UTRN: variants seen among roughly 807,000 people sequenced by gnomAD.
UTRN encodes the protein dystrophin-related protein 1.
In UTRN, 283 loss-of-function variants were observed where a neutral mutation model predicts 463.9. The ratio of observed to expected loss-of-function variants is 0.61; its 90% CI spans 0.55 to 0.67. UTRN has a LOEUF of 0.67. Ranked by LOEUF, UTRN falls within the 30% of genes least tolerant of loss-of-function variation. The pLI is 0.00. For synonymous variants in UTRN, 1,442 were observed against 1,431.5 expected, an observed-to-expected ratio of 1.01 and a Z score of -0.17; for missense variants, 3,922 against 4,084.3, an observed-to-expected ratio of 0.96 and a Z score of 1.08.
At chr6:144,402,192 C>T (rs1782990630) in intron 2 of UTRN, among the ~76,000 whole-genome samples, 1 of 152,232 alleles carries the variant, frequency 6.6e-6, no homozygotes, top group Non-Finnish European at 1.5e-5. Flanking sequence ...ACGAGCTGAA[C>T]ACCAGCTCTT....
chr6:144,792,165 A>G (rs1288647268), intron 62 of UTRN, among the ~76,000 whole-genome samples: 2 of 152,210 alleles, frequency 1.3e-5, no homozygotes, highest in African/African-American at 2.4e-5. Flanking sequence ...ATACTTCATT[A>G]TAATTACTGT....
chr6:144,572,336 A>T (rs944867431), intron 50 of UTRN, among the ~76,000 whole-genome samples: 13 of 151,958 alleles, frequency 8.6e-5, no homozygotes, highest in Admixed American at 7.9e-4. Context: ...GAAAAATGGT[A>T]TGTAGGAGTT....
Position 144,458,992 on chromosome 6 carries a change from G to A in UTRN, c.2507G>A (p.Ser836Asn). ...ISESSRQSLPSLKDSCQRELT... is the reference protein window; with the variant it reads ...ISESSRQSLPNLKDSCQRELT... ...GAATCTTCCCGGCAGTCCTTGCCAA[G>A]CTTGAAGGATTCCTGTCAGGTAAGG... The change falls in exon 20 of 75, where the codon AGC (serine) becomes AAC (asparagine). Residue 836 changes from serine to asparagine, a missense_variant. By Grantham distance (46) the Ser-to-Asn change is conservative. This residue lies in a region of UTRN where 2,349 missense variants were observed against 2,303.8 expected (regional missense o/e 1.02). Coordinates refer to ENST00000367545, the MANE Select transcript of UTRN (RefSeq NM_007124.3). The A allele has an allele frequency of 6.2e-7, 1 of 1,604,704 alleles. No individual in the cohort carries two copies. Among genetic ancestry groups the A allele is most frequent in the Non-Finnish European group, 8.5e-7 (1 of 1,176,572 alleles).
chr6:144,506,824 G>A (rs1443816815), intron 34 of UTRN, among the ~76,000 whole-genome samples: 4 of 152,046 alleles, frequency 2.6e-5, no homozygotes, highest in South Asian at 4.1e-4. Flanking sequence ...TGCTAGGTTC[G>A]GGGAGTTCTC....
At chr6:144,441,965 G>A (rs1450737870) in intron 13 of UTRN, among the ~76,000 whole-genome samples, 3 of 152,136 alleles carry the variant, frequency 2.0e-5, no homozygotes, top group African/African-American at 7.2e-5. Flanking sequence ...AGGGCACCAA[G>A]TACCTAGCCA....
At chr6:144,752,077 A>C (rs1791460266) in intron 56 of UTRN, 125 bp downstream of exon 56, 2 of 944,206 alleles carry the variant, frequency 2.1e-6, no homozygotes, top group Non-Finnish European at 2.9e-6. Context: ...TGAATTTAGC[A>C]TGTGATGACA....
chr6:144,630,849 C>T (rs1776431585), intron 51 of UTRN, among the ~76,000 whole-genome samples: 1 of 152,142 alleles, frequency 6.6e-6, no homozygotes, highest in Admixed American at 6.5e-5. Flanking sequence ...CTCCTTGTCC[C>T]TCATTCAGCC....
At chr6:144,351,953 T>G (rs1323247773) in intron 2 of UTRN, among the ~76,000 whole-genome samples, 2 of 152,216 alleles carry the variant, frequency 1.3e-5, no homozygotes, top group Non-Finnish European at 2.9e-5. Flanking sequence ...TTCTCCTGGC[T>G]CAGCCAGTCT....
intron 23 of UTRN, among the ~76,000 whole-genome samples, chr6:144,467,679 T>C (rs1288178258): frequency 6.6e-6 from 1 of 152,174 alleles, no homozygotes; most frequent in African/African-American, 2.4e-5. Flanking sequence ...GAAAGCATTT[T>C]AGGGTAAAAA....
chr6:144,630,311 T>A (rs1029998718), intron 51 of UTRN, among the ~76,000 whole-genome samples: 5 of 152,228 alleles, frequency 3.3e-5, no homozygotes, highest in Non-Finnish European at 5.9e-5. Flanking sequence ...GCTGAGGGCC[T>A]GTGTATTAGC....
At chr6:144,341,098 T>G (rs1013073370) in intron 2 of UTRN, among the ~76,000 whole-genome samples, 7 of 152,334 alleles carry the variant, frequency 4.6e-5, no homozygotes, top group Admixed American at 1.3e-4. Flanking sequence ...AAAGTTCTAT[T>G]TGACATATGA....
intron 51 of UTRN, among the ~76,000 whole-genome samples, chr6:144,674,761 G>C (rs1346482366): frequency 6.6e-6 from 1 of 152,108 alleles, no homozygotes; most frequent in South Asian, 2.1e-4. Flanking sequence ...GTTTCACCAT[G>C]TTGCCCAGGC....
chr6:144,695,120 A>C (rs1434827258), intron 52 of UTRN, among the ~76,000 whole-genome samples: 1 of 152,142 alleles, frequency 6.6e-6, no homozygotes, highest in African/African-American at 2.4e-5. Context: ...ATGTCATGGC[A>C]GGGAACATTT....
chr6:144,530,599 A>G (rs1796958211), intron 41 of UTRN, among the ~76,000 whole-genome samples: 1 of 152,170 alleles, frequency 6.6e-6, no homozygotes, highest in South Asian at 2.1e-4. Context: ...AATGAATCAT[A>G]TTTTATATTT....
chr6:144,353,546 C>T (rs532144658), intron 2 of UTRN, among the ~76,000 whole-genome samples: 5 of 152,126 alleles, frequency 3.3e-5, no homozygotes, highest in African/African-American at 1.2e-4. Flanking sequence ...GCGTGAGCCA[C>T]TGTGCCTGGC....
chr6:144,482,974 G>T (rs1275451977), intron 27 of UTRN, among the ~76,000 whole-genome samples: 1 of 151,926 alleles, frequency 6.6e-6, no homozygotes, highest in Admixed American at 6.6e-5. Context: ...GTGAGGTTTT[G>T]CTTGTTTGTT....
chr6:144,747,138 G>T lies in UTRN; in HGVS notation c.7940-1108G>T, dbSNP rs565523203. On this transcript the variant is annotated intron_variant, in intron 54 of 74. Transcript: ENST00000367545. ...ATCTTATGATGATCATTTTCCAAGT[G>T]ATTTGGAACATTTTGAGGTGAAGTG... is the stretch of plus-strand genomic sequence containing the variant. 5.9e-5 allele frequency among the ~76,000 whole-genome samples: 9 copies of T among 152,292 alleles called. No individual in the cohort carries two copies. In the South Asian group the frequency reaches 1.9e-3, roughly 32 times the overall value.
At chr6:144,663,977 A>G (rs1780137572) in intron 51 of UTRN, among the ~76,000 whole-genome samples, 2 of 152,206 alleles carry the variant, frequency 1.3e-5, no homozygotes, top group African/African-American at 4.8e-5. Flanking sequence ...GTCTAAGTGT[A>G]TAGATGGAGA....
At chr6:144,398,817 C>T (rs1442366083) in intron 2 of UTRN, 1 of 152,584 alleles carries the variant, frequency 6.6e-6, no homozygotes, top group Non-Finnish European at 1.5e-5. Context: ...GATTCATTCC[C>T]CAAGCAACTA....
Sources: gnomAD v4.1 joint callset for allele counts (sites outside exome capture counted in the v4.1 genomes callset) on GRCh38, gnomAD v4.1.1 for gene constraint, gnomAD v4.1.1 regional missense constraint, MANE v1.5 for transcripts, NCBI Gene and HGNC (gene_info 2026-07-23, HGNC 2026-07-21) for gene names.